The following SLC25A26 variants were observed in gnomAD, a reference collection of about 807,000 sequenced individuals.
SLC25A26 encodes the protein solute carrier family 25 member 26.
SLC25A26 carries 36 observed loss-of-function variants against 37.8 expected under a neutral mutation model. The ratio of observed to expected loss-of-function variants is 0.95; its 90% CI spans 0.73 to 1.26. The LOEUF (loss-of-function observed/expected upper bound fraction) is 1.26, where lower values mean the gene tolerates loss of function less well. Ranked by LOEUF, SLC25A26 falls within the 50% of genes most tolerant of loss-of-function variation. The pLI is 0.00. For synonymous variants in SLC25A26, 129 were observed against 122.5 expected (o/e 1.05, Z -0.35); for missense variants, 390 against 331.1 (o/e 1.18, Z -1.38).
chr3:66,220,295 C>A (rs1553657779), upstream of SLC25A26, among the ~76,000 whole-genome samples: 1 of 152,188 alleles, frequency 6.6e-6, no homozygotes, highest in Non-Finnish European at 1.5e-5. Context: ...AGCACCACGT[C>A]TGAGATGTAG....
rs541779596 is a variant in SLC25A26, at chr3:66,179,422, C to G, written c.-353-41320C>G. Among the ~76,000 whole-genome samples the G allele has an allele frequency of 1.9e-3, 282 of 152,196 alleles. 3 individuals are homozygous for G. The highest frequency in any genetic ancestry group is 6.4e-3 in the African/African-American group (264 of 41,552). Reference sequence around the variant, plus strand: ...TATGGCAACATTATGAAACGTTTCCCCCTCAAATTCATAAGGCAATGTAAG... The same window carrying G: ...TATGGCAACATTATGAAACGTTTCCGCCTCAAATTCATAAGGCAATGTAAG... On this transcript the variant is annotated intron_variant, in intron 1 of 10. Coordinates refer to the SLC25A26 transcript ENST00000676754.
intron 1 of SLC25A26, among the ~76,000 whole-genome samples, chr3:66,158,520 A>G (rs183260527): frequency 5.9e-5 from 9 of 152,274 alleles, no homozygotes; most frequent in African/African-American, 1.7e-4. Context: ...ATATTTTGAG[A>G]AACTGCCAAC....
At chr3:66,265,960 C>T (rs2073730665) in intron 5 of SLC25A26, among the ~76,000 whole-genome samples, 1 of 152,182 alleles carries the variant, frequency 6.6e-6, no homozygotes, top group Admixed American at 6.5e-5. Context: ...CCGGAGAATA[C>T]TGGTTTTACA....
intron 3 of SLC25A26, among the ~76,000 whole-genome samples, chr3:66,245,978 C>G (rs970357141): frequency 6.6e-6 from 1 of 152,178 alleles, no homozygotes; most frequent in Non-Finnish European, 1.5e-5. Flanking sequence ...TTCACCCCAA[C>G]CCTCCCCACT....
intron 1 of SLC25A26, among the ~76,000 whole-genome samples, chr3:66,144,209 G>A (rs1008754178): frequency 1.3e-5 from 2 of 151,992 alleles, no homozygotes; most frequent in Non-Finnish European, 2.9e-5. Flanking sequence ...CCAAGCAGAG[G>A]GAAGAGACTG....
intron 6 of SLC25A26, among the ~76,000 whole-genome samples, chr3:66,352,155 G>A (rs2076467513): frequency 6.6e-6 from 1 of 152,126 alleles, no homozygotes; most frequent in Non-Finnish European, 1.5e-5. Flanking sequence ...AGGCTGAGGT[G>A]GGAGACTTAC....
intron 5 of SLC25A26, among the ~76,000 whole-genome samples, chr3:66,294,418 C>T (rs1451594432): frequency 6.6e-6 from 1 of 152,002 alleles, no homozygotes; most frequent in East Asian, 1.9e-4. Context: ...AGCTTTTGGG[C>T]CGGGACTATG....
At chr3:66,150,214 T>G (rs1188331134) in intron 1 of SLC25A26, among the ~76,000 whole-genome samples, 1 of 151,668 alleles carries the variant, frequency 6.6e-6, no homozygotes, top group Non-Finnish European at 1.5e-5. Context: ...ATATATAACA[T>G]AGGCCGGGCA....
intron 5 of SLC25A26, among the ~76,000 whole-genome samples, chr3:66,286,396 T>C (rs2074513694): frequency 6.6e-6 from 1 of 152,194 alleles, no homozygotes. Flanking sequence ...AGCTCAAAGT[T>C]TGTTTTTTGC....
intron 1 of SLC25A26, among the ~76,000 whole-genome samples, chr3:66,134,853 G>A (rs1010514363): frequency 5.3e-5 from 8 of 150,384 alleles, no homozygotes; most frequent in Middle Eastern, 3.4e-3. Flanking sequence ...TTTTTGAGAC[G>A]GAGTTTTGTT....
chr3:66,191,091 T>C (rs1004670827), intron 1 of SLC25A26, among the ~76,000 whole-genome samples: 3 of 152,242 alleles, frequency 2.0e-5, no homozygotes, highest in South Asian at 2.1e-4. Context: ...TAAACTGAGA[T>C]GGACATAAGC....
At chr3:66,319,250 T>G (rs1488973379) in intron 5 of SLC25A26, among the ~76,000 whole-genome samples, 12 of 151,758 alleles carry the variant, frequency 7.9e-5, no homozygotes. Context: ...ATATAATTGT[T>G]TTTTTTTCTG....
intron 5 of SLC25A26, among the ~76,000 whole-genome samples, chr3:66,282,442 G>A (rs782738): frequency 0.28 from 42,584 of 152,008 alleles, 7,047 homozygotes; most frequent in African/African-American, 0.45. Context: ...CACTGTGCCA[G>A]GCCCCCATTA....
At chr3:66,309,823 T>G (rs1206350247) in intron 5 of SLC25A26, among the ~76,000 whole-genome samples, 7 of 152,168 alleles carry the variant, frequency 4.6e-5, no homozygotes, top group African/African-American at 1.7e-4. Context: ...GTGAATTTCT[T>G]AATCCTGAGT....
chr3:66,142,947 TG>T (rs912917512), intron 1 of SLC25A26, among the ~76,000 whole-genome samples: 1 of 152,032 alleles, frequency 6.6e-6, no homozygotes, highest in African/African-American at 2.4e-5. Context: ...TTTTATTTTT[TG>T]TAGAGATGGG....
chr3:66,184,063 C>T (rs1294917159), intron 1 of SLC25A26, among the ~76,000 whole-genome samples: 4 of 152,010 alleles, frequency 2.6e-5, no homozygotes, highest in Non-Finnish European at 5.9e-5. Flanking sequence ...GAACCCCACC[C>T]TAAACTTTAA....
chr3:66,212,887 A>T (rs1055178736), intron 1 of SLC25A26, among the ~76,000 whole-genome samples: 1 of 152,342 alleles, frequency 6.6e-6, no homozygotes, highest in African/African-American at 2.4e-5. Flanking sequence ...TTGTGTACCC[A>T]TTCATTTGCC....
At chr3:66,304,624 A>G (rs559234244) in intron 5 of SLC25A26, 3 of 336,334 alleles carry the variant, frequency 8.9e-6, no homozygotes, top group East Asian at 1.6e-4. Flanking sequence ...GAAACCATCG[A>G]GGTGTCAGGC....
rs1242977476 is a variant in SLC25A26, at chr3:66,352,428, G to GTTTT, written c.498+6023_498+6026dup. On this transcript the variant is annotated intron_variant, in intron 6 of 9. Coordinates refer to ENST00000354883, the MANE Select transcript of SLC25A26 (RefSeq NM_001379210.1). ...TGCCTAGCGCCTCCCCTCGTTTTTT[G>GTTTT]TTTTTTGTTTTTTGTTTTTTTTTTT... is the stretch of plus-strand genomic sequence containing the variant. 9.2e-4 allele frequency among the ~76,000 whole-genome samples: 117 copies of GTTTT among 126,650 alleles called. 10 individuals are homozygous for GTTTT. The highest frequency in any genetic ancestry group is 3.6e-3 in the African/African-American group (106 of 29,106). 83.1% of individuals were successfully genotyped at this position (126,650 alleles called of 152,430 possible). A position where few individuals can be genotyped will look rare whatever the true frequency, so the allele number is the denominator to read the frequency against.
Sources: gnomAD v4.1 joint callset for allele counts (sites outside exome capture counted in the v4.1 genomes callset) on GRCh38, gnomAD v4.1.1 for gene constraint, MANE v1.5 for transcripts, NCBI Gene and HGNC (gene_info 2026-07-23, HGNC 2026-07-21) for gene names.